The following GRIN2A variants were observed in gnomAD, a reference collection of about 807,000 sequenced individuals.
GRIN2A encodes the protein glutamate ionotropic receptor NMDA type subunit 2A.
Under a neutral mutation model 113.4 loss-of-function variants are expected in GRIN2A, and 22 were observed. The observed-to-expected ratio is 0.19, with a 90% CI of 0.14 to 0.28. GRIN2A has a LOEUF of 0.28. GRIN2A is among the 10% of genes least tolerant of loss of function. The pLI, the probability that GRIN2A is intolerant of heterozygous loss-of-function variation, is 1.00. For missense variants in GRIN2A, 1,502 were observed against 1,887.0 expected (o/e 0.80, Z 3.78); for synonymous variants, 827 against 738.4 (o/e 1.12, Z -1.94).
chr16:9,998,717 C>T (rs1240691843), intron 2 of GRIN2A, among the ~76,000 whole-genome samples: 1 of 152,024 alleles, frequency 6.6e-6, no homozygotes, highest in African/African-American at 2.4e-5. Flanking sequence ...ATTTCAGAAT[C>T]AGTCTCACTC....
intron 3 of GRIN2A, among the ~76,000 whole-genome samples, chr16:9,906,007 T>C (rs1288403560): frequency 6.6e-6 from 1 of 152,234 alleles, no homozygotes; most frequent in African/African-American, 2.4e-5. Flanking sequence ...CATTACCTTT[T>C]AATTAAATTA....
At chr16:9,810,371 G>GA (rs1414477248) in intron 10 of GRIN2A, among the ~76,000 whole-genome samples, 4 of 152,182 alleles carry the variant, frequency 2.6e-5, no homozygotes, top group Non-Finnish European at 4.4e-5. Context: ...GTGATGTTGG[G>GA]AAAACCACAC....
At chr16:9,835,174 G>C (rs1335622290) in intron 7 of GRIN2A, among the ~76,000 whole-genome samples, 3 of 152,082 alleles carry the variant, frequency 2.0e-5, no homozygotes, top group Admixed American at 2.0e-4. Flanking sequence ...TGTTGATGTT[G>C]GTAGCAGCCT....
At chr16:9,917,928 CTTAA>C in intron 3 of GRIN2A, among the ~76,000 whole-genome samples, 1 of 152,256 alleles carries the variant, frequency 6.6e-6, no homozygotes, top group Admixed American at 6.5e-5. Context: ...ATGAAACATA[CTTAA>C]TTAAGCTATG....
rs537065994 is a variant in GRIN2A, at chr16:9,773,170, T to A, written c.2357-4081A>T. ...CGTGGCCTGCAGCACGTAGTGAGCA[T>A]TGAATCCATATTTTCTGTTTCTGTT... is the stretch of plus-strand genomic sequence containing the variant. On this transcript the variant is annotated intron_variant, in intron 11 of 12. Transcript: ENST00000330684. Among the ~76,000 whole-genome samples the A allele has an allele frequency of 3.9e-5, 6 of 152,364 alleles. No homozygotes were observed. In the East Asian group the frequency reaches 9.6e-4, roughly 24 times the overall value.
intron 2 of GRIN2A, among the ~76,000 whole-genome samples, chr16:10,066,504 A>G (rs978589881): frequency 3.3e-5 from 5 of 152,232 alleles, no homozygotes; most frequent in African/African-American, 9.7e-5. Flanking sequence ...AGAGGGCGTC[A>G]AAGTCAACAG....
chr16:9,901,466 T>A (rs2043923210), intron 3 of GRIN2A, among the ~76,000 whole-genome samples: 1 of 152,114 alleles, frequency 6.6e-6, no homozygotes, highest in Admixed American at 6.5e-5. Flanking sequence ...ATACATATTA[T>A]ATATATATTT....
intron 2 of GRIN2A, among the ~76,000 whole-genome samples, chr16:9,978,474 CCCT>C (rs368169139): frequency 6.6e-5 from 10 of 152,202 alleles, no homozygotes; most frequent in African/African-American, 2.4e-4. Flanking sequence ...TCCTCCTCCT[CCCT>C]ATCCTCTTCC....
intron 2 of GRIN2A, among the ~76,000 whole-genome samples, chr16:10,055,382 T>G (rs1303060339): frequency 6.6e-6 from 1 of 152,202 alleles, no homozygotes; most frequent in Non-Finnish European, 1.5e-5. Flanking sequence ...TGTTTGTTAT[T>G]TTATTCTCTG....
chr16:10,015,161 G>C (rs768038901), intron 2 of GRIN2A, among the ~76,000 whole-genome samples: 1 of 138,078 alleles, frequency 7.2e-6, no homozygotes, highest in Non-Finnish European at 1.5e-5. Context: ...GGCTGAGGCA[G>C]AAGAATCACT....
intron 2 of GRIN2A, among the ~76,000 whole-genome samples, chr16:9,963,107 A>G (rs984283847): frequency 4.1e-5 from 5 of 121,314 alleles, no homozygotes; most frequent in Non-Finnish European, 6.5e-5. Flanking sequence ...AACATCACAC[A>G]TCGGGGACTG....
At chr16:10,049,016 C>T (rs1409530963) in intron 2 of GRIN2A, among the ~76,000 whole-genome samples, 6 of 152,124 alleles carry the variant, frequency 3.9e-5, no homozygotes, top group Admixed American at 2.0e-4. Context: ...AGCTATTTAC[C>T]TCCCAGTCGT....
intron 9 of GRIN2A, among the ~76,000 whole-genome samples, chr16:9,827,809 G>C (rs1252142501): frequency 6.6e-6 from 1 of 152,172 alleles, no homozygotes; most frequent in African/African-American, 2.4e-5. Flanking sequence ...CACCCAGCAA[G>C]AGTGTCCTGA....
At chr16:10,158,674 G>T (rs562146079) in intron 2 of GRIN2A, among the ~76,000 whole-genome samples, 1 of 152,294 alleles carries the variant, frequency 6.6e-6, no homozygotes, top group South Asian at 2.1e-4. Flanking sequence ...AGATGCAAAA[G>T]GTCACATAAC....
At chr16:10,079,490 G>A (rs1365667738) in intron 2 of GRIN2A, among the ~76,000 whole-genome samples, 1 of 152,192 alleles carries the variant, frequency 6.6e-6, no homozygotes, top group East Asian at 1.9e-4. Context: ...TCCTCAATGT[G>A]ATGGTGTTAG....
intron 2 of GRIN2A, among the ~76,000 whole-genome samples, chr16:10,003,397 G>A (rs543189631): frequency 5.3e-4 from 81 of 152,178 alleles, no homozygotes; most frequent in Non-Finnish European, 1.1e-3. Flanking sequence ...ATTAGCTAGG[G>A]ATAATTAAAG....
At chr16:9,867,069 C>G (rs1024016892) in intron 4 of GRIN2A, among the ~76,000 whole-genome samples, 1 of 152,060 alleles carries the variant, frequency 6.6e-6, no homozygotes, top group African/African-American at 2.4e-5. Flanking sequence ...CCTCTTTATC[C>G]ATAACATTAA....
At chr16:9,899,428 A>G in intron 3 of GRIN2A, among the ~76,000 whole-genome samples, 1 of 128,252 alleles carries the variant, frequency 7.8e-6, no homozygotes, top group Admixed American at 8.0e-5. Context: ...CAACAAGAGC[A>G]AAACTCCGTC....
chr16:9,928,375 G>C (rs959659055), intron 3 of GRIN2A, among the ~76,000 whole-genome samples: 2 of 152,138 alleles, frequency 1.3e-5, no homozygotes, highest in Non-Finnish European at 2.9e-5. Context: ...ACCAACGATA[G>C]CTCATAAGTT....
Sources: allele counts gnomAD v4.1 joint callset (sites outside exome capture counted in the v4.1 genomes callset), GRCh38; gene constraint gnomAD v4.1.1; transcripts MANE v1.5; gene names NCBI Gene and HGNC (gene_info 2026-07-23, HGNC 2026-07-21).